TMTC2: variants seen among roughly 807,000 people sequenced by gnomAD.
The protein encoded by TMTC2 is protein O-mannosyl-transferase TMTC2.
In TMTC2, 43 loss-of-function variants were observed where a neutral mutation model predicts 82.4. The ratio of observed to expected loss-of-function variants is 0.52; its 90% CI spans 0.41 to 0.67. The LOEUF is 0.67. Ranked by LOEUF, TMTC2 falls within the 30% of genes least tolerant of loss-of-function variation. The pLI, the probability that TMTC2 is intolerant of heterozygous loss-of-function variation, is 0.00. For missense variants in TMTC2, 919 were observed against 1,012.4 expected, an observed-to-expected ratio of 0.91 and a Z score of 1.25; for synonymous variants, 408 against 381.9, an observed-to-expected ratio of 1.07 and a Z score of -0.80.
chr12:83,088,022 T>G (rs113263701), intron 11 of TMTC2, among the ~76,000 whole-genome samples: 14 of 152,322 alleles, frequency 9.2e-5, no homozygotes, highest in African/African-American at 3.4e-4. Flanking sequence ...CACAGAAAAT[T>G]TGTTTAGTAC....
At chr12:83,089,668 A>G (rs1406611296) in intron 11 of TMTC2, among the ~76,000 whole-genome samples, 2 of 152,132 alleles carry the variant, frequency 1.3e-5, no homozygotes, top group Admixed American at 6.5e-5. Flanking sequence ...TAGAATATTT[A>G]TAGTCTCATG....
intron 1 of TMTC2, among the ~76,000 whole-genome samples, chr12:82,707,327 A>G (rs1007466979): frequency 6.6e-6 from 1 of 152,074 alleles, no homozygotes; most frequent in Non-Finnish European, 1.5e-5. Flanking sequence ...TGACCTAATC[A>G]CCTCCCAGAT....
chr12:83,086,456 G>A (rs906779982), intron 11 of TMTC2, among the ~76,000 whole-genome samples: 3 of 152,112 alleles, frequency 2.0e-5, no homozygotes, highest in Non-Finnish European at 2.9e-5. Context: ...TTCTTGATGG[G>A]CGTTGGTTCT....
chr12:82,728,572 T>A (rs1470591562), intron 1 of TMTC2, among the ~76,000 whole-genome samples: 1 of 152,036 alleles, frequency 6.6e-6, no homozygotes, highest in Non-Finnish European at 1.5e-5. Context: ...AATACAGAAA[T>A]TAGCTGGGCA....
chr12:82,878,371 G>A (rs973384348), intron 2 of TMTC2, among the ~76,000 whole-genome samples: 1 of 152,182 alleles, frequency 6.6e-6, no homozygotes, highest in African/African-American at 2.4e-5. Context: ...TCTTTCATAT[G>A]TGATACAAGT....
At chr12:83,061,081 A>C (rs1882723013) in intron 10 of TMTC2, among the ~76,000 whole-genome samples, 1 of 151,752 alleles carries the variant, frequency 6.6e-6, no homozygotes, top group Admixed American at 6.6e-5. Flanking sequence ...TTACAGGAAG[A>C]GTCTGGCTAG....
chr12:82,795,041 A>G (rs1444993305), intron 1 of TMTC2, among the ~76,000 whole-genome samples: 2 of 152,258 alleles, frequency 1.3e-5, no homozygotes, highest in South Asian at 2.1e-4. Flanking sequence ...GTGGTGGCTC[A>G]TGCCTGTAAT....
At chr12:83,007,074 C>T (rs1880237510) in intron 8 of TMTC2, among the ~76,000 whole-genome samples, 1 of 151,742 alleles carries the variant, frequency 6.6e-6, no homozygotes, top group South Asian at 2.1e-4. Flanking sequence ...TGCACATGTA[C>T]CCTAGAACTT....
chr12:82,823,895 T>A (rs1383205242), intron 1 of TMTC2, among the ~76,000 whole-genome samples: 1 of 135,712 alleles, frequency 7.4e-6, no homozygotes, highest in African/African-American at 3.4e-5. Context: ...ATTATTCTAT[T>A]TTTTTTTTTT....
intron 1 of TMTC2, among the ~76,000 whole-genome samples, chr12:82,767,264 TTTC>T (rs1411313151): frequency 6.6e-6 from 1 of 152,192 alleles, no homozygotes; most frequent in Non-Finnish European, 1.5e-5. Context: ...TTTGAGATTA[TTTC>T]TTAAGTTCTT....
At chr12:83,032,685 C>T (rs965949456) in intron 9 of TMTC2, among the ~76,000 whole-genome samples, 3 of 152,062 alleles carry the variant, frequency 2.0e-5, no homozygotes, top group Non-Finnish European at 4.4e-5. Flanking sequence ...GCTGGGATTA[C>T]AGGCACCCAC....
intron 1 of TMTC2, among the ~76,000 whole-genome samples, chr12:82,731,693 C>G (rs1484876290): frequency 6.6e-6 from 1 of 152,168 alleles, no homozygotes; most frequent in African/African-American, 2.4e-5. Context: ...AAAGCAATGT[C>G]TTCAATACAC....
At chr12:83,083,608 A>G (rs1057223248) in intron 11 of TMTC2, among the ~76,000 whole-genome samples, 1 of 152,176 alleles carries the variant, frequency 6.6e-6, no homozygotes, top group Non-Finnish European at 1.5e-5. Context: ...GTGCCTAAAG[A>G]TTCTCAGTCA....
intron 8 of TMTC2, among the ~76,000 whole-genome samples, chr12:83,016,466 G>A (rs1880685622): frequency 6.6e-6 from 1 of 152,134 alleles, no homozygotes; most frequent in African/African-American, 2.4e-5. Flanking sequence ...GTGCACTTGT[G>A]TAACAAGAGT....
At chr12:82,939,524 TA>T (rs775995885) in intron 4 of TMTC2, among the ~76,000 whole-genome samples, 134 of 152,152 alleles carry the variant, frequency 8.8e-4, no homozygotes, top group Non-Finnish European at 1.7e-3. Flanking sequence ...CTGGATTCAT[TA>T]TTTTTTTGTA....
intron 3 of TMTC2, among the ~76,000 whole-genome samples, chr12:82,903,697 G>A (rs1035219298): frequency 6.6e-6 from 1 of 152,182 alleles, no homozygotes; most frequent in Non-Finnish European, 1.5e-5. Context: ...ACAGGCGTGA[G>A]CCACCGCGCC....
chr12:82,988,121 G>C (rs1481699862), intron 8 of TMTC2, among the ~76,000 whole-genome samples: 1 of 152,136 alleles, frequency 6.6e-6, no homozygotes, highest in African/African-American at 2.4e-5. Flanking sequence ...GGGCAAATCA[G>C]ACTAAGCTTT....
intron 1 of TMTC2, among the ~76,000 whole-genome samples, chr12:82,783,750 T>C (rs574015479): frequency 6.6e-6 from 1 of 152,202 alleles, no homozygotes; most frequent in South Asian, 2.1e-4. Flanking sequence ...GGTGATTTTT[T>C]TCTCAAGGGT....
intron 8 of TMTC2, among the ~76,000 whole-genome samples, chr12:83,028,625 CTCT>C (rs1279366952): frequency 2.0e-5 from 3 of 152,034 alleles, no homozygotes; most frequent in Non-Finnish European, 4.4e-5. Flanking sequence ...TCTGCCTGTC[CTCT>C]TTTTTTTTTA....
Sources: allele counts gnomAD v4.1 joint callset (sites outside exome capture counted in the v4.1 genomes callset), GRCh38; gene constraint gnomAD v4.1.1; transcripts MANE v1.5; gene names NCBI Gene and HGNC (gene_info 2026-07-23, HGNC 2026-07-21).